MACROD2: variants seen among roughly 807,000 people sequenced by gnomAD.
MACROD2 encodes mono-ADP ribosylhydrolase 2, also known as ADP-ribose glycohydrolase MACROD2.
In MACROD2, 36 loss-of-function variants were observed where a neutral mutation model predicts 70.4. That is an observed-to-expected ratio of 0.51 (90% CI 0.39 to 0.68). The LOEUF is 0.68. Ranked by LOEUF, MACROD2 falls within the 30% of genes least tolerant of loss-of-function variation. The probability of loss-of-function intolerance (pLI) is 0.00; values close to 1 mark genes in which losing one functional copy is unlikely to be tolerated. For missense variants in MACROD2, 496 were observed against 538.4 expected (o/e 0.92, Z 0.78); for synonymous variants, 172 against 178.8 (o/e 0.96, Z 0.30).
At chr20:15,779,745 G>C (rs1016953519) in intron 8 of MACROD2, among the ~76,000 whole-genome samples, 1 of 152,100 alleles carries the variant, frequency 6.6e-6, no homozygotes, top group Non-Finnish European at 1.5e-5. Context: ...TTACCTTTCT[G>C]CCAGGGAAAG....
At chr20:16,045,999 A>T (rs1037225970) in intron 17 of MACROD2, among the ~76,000 whole-genome samples, 1 of 152,160 alleles carries the variant, frequency 6.6e-6, no homozygotes, top group Non-Finnish European at 1.5e-5. Context: ...TGTTAAAAAA[A>T]AAAGAAAAAA....
intron 3 of MACROD2, among the ~76,000 whole-genome samples, chr20:14,233,376 T>A (rs2122212301): frequency 6.6e-6 from 1 of 152,188 alleles, no homozygotes; most frequent in Middle Eastern, 3.4e-3. Context: ...AAATGAGGTA[T>A]GCCTGACTTA....
intron 6 of MACROD2, among the ~76,000 whole-genome samples, chr20:15,370,011 G>C (rs1258242852): frequency 1.3e-5 from 2 of 152,072 alleles, no homozygotes; most frequent in Non-Finnish European, 2.9e-5. Flanking sequence ...ATCTGGTTTT[G>C]AGAAAAAGAG....
At chr20:15,869,236 TATAG>T (rs1465770135) in intron 9 of MACROD2, among the ~76,000 whole-genome samples, 624 of 33,412 alleles carry the variant, frequency 0.019, 3 homozygotes, top group African/African-American at 0.039. Context: ...TATATATATA[TATAG>T]AGAGAGAGAG....
rs373364294 is a variant in MACROD2, at chr20:14,125,674, T to C, written c.271+39946T>C. 3.3e-5 allele frequency among the ~76,000 whole-genome samples: 5 copies of C among 152,302 alleles called. No individual in the cohort carries two copies. The South Asian group carries it at 1.0e-3, about 32-fold the overall frequency. On this transcript the variant is annotated intron_variant, in intron 3 of 17. Transcript: ENST00000684519. ...CATTTTGCATATAGTGTTTATAACA[T>C]ACTTTTATCATTTAATGATGCATTA... is the stretch of plus-strand genomic sequence containing the variant.
intron 7 of MACROD2, among the ~76,000 whole-genome samples, chr20:15,480,137 G>C (rs1208385954): frequency 2.0e-5 from 3 of 152,166 alleles, no homozygotes; most frequent in Admixed American, 2.0e-4. Context: ...TCCCTGTCTA[G>C]TGCATATTCA....
intron 8 of MACROD2, among the ~76,000 whole-genome samples, chr20:15,826,670 G>C (rs1010732768): frequency 1.3e-5 from 2 of 152,102 alleles, no homozygotes; most frequent in East Asian, 3.9e-4. Context: ...TTGTCACAAA[G>C]GTGTTTAGTA....
At chr20:15,960,470 C>G (rs539637953) in intron 12 of MACROD2, among the ~76,000 whole-genome samples, 1 of 152,114 alleles carries the variant, frequency 6.6e-6, no homozygotes, top group South Asian at 2.1e-4. Flanking sequence ...TTCTAAGTTT[C>G]GGATCCACAA....
intron 8 of MACROD2, among the ~76,000 whole-genome samples, chr20:15,573,520 A>T (rs1161372666): frequency 6.6e-6 from 1 of 152,178 alleles, no homozygotes; most frequent in East Asian, 1.9e-4. Context: ...CTAGGATGAG[A>T]GAGGCCAAGA....
chr20:14,455,007 C>T (rs1472685373), intron 3 of MACROD2, among the ~76,000 whole-genome samples: 2 of 151,660 alleles, frequency 1.3e-5, no homozygotes, highest in African/African-American at 4.9e-5. Flanking sequence ...CTGCCTTGGC[C>T]TCCCAATCTG....
At chr20:14,524,623 A>G (rs780429581) in intron 4 of MACROD2, among the ~76,000 whole-genome samples, 11 of 152,256 alleles carry the variant, frequency 7.2e-5, no homozygotes, top group Non-Finnish European at 1.3e-4. Flanking sequence ...TATACATCAC[A>G]CCTGGGATGC....
At chr20:14,645,611 C>T (rs551313764) in intron 4 of MACROD2, among the ~76,000 whole-genome samples, 1 of 152,156 alleles carries the variant, frequency 6.6e-6, no homozygotes, top group African/African-American at 2.4e-5. Context: ...AGCTATCATA[C>T]TTCCGTGTGT....
At chr20:14,264,084 T>C (rs1216991775) in intron 3 of MACROD2, among the ~76,000 whole-genome samples, 2 of 151,670 alleles carry the variant, frequency 1.3e-5, no homozygotes, top group African/African-American at 2.4e-5. Flanking sequence ...GTAAAGCTAC[T>C]ATGAAGAATG....
chr20:15,690,490 G>A (rs536739855), intron 8 of MACROD2, among the ~76,000 whole-genome samples: 1 of 152,264 alleles, frequency 6.6e-6, no homozygotes, highest in Non-Finnish European at 1.5e-5. Context: ...TGGATATAGG[G>A]TGAGGGCAGC....
chr20:14,052,413 A>G (rs574576203), intron 2 of MACROD2, among the ~76,000 whole-genome samples: 8 of 152,268 alleles, frequency 5.3e-5, no homozygotes, highest in Middle Eastern at 3.4e-3. Flanking sequence ...AATTTTAAAT[A>G]TTTTGAATAT....
chr20:15,141,106 A>G (rs1012967809), intron 5 of MACROD2, among the ~76,000 whole-genome samples: 1 of 152,112 alleles, frequency 6.6e-6, no homozygotes, highest in African/African-American at 2.4e-5. Flanking sequence ...GCACTAGCAT[A>G]CATACATATA....
At chr20:15,386,118 C>T (rs939720906) in intron 6 of MACROD2, among the ~76,000 whole-genome samples, 2 of 152,100 alleles carry the variant, frequency 1.3e-5, no homozygotes, top group African/African-American at 2.4e-5. Flanking sequence ...AGAAAAGCAG[C>T]CATGAAGTGA....
At chr20:15,495,383 T>A (rs1277786949) in intron 7 of MACROD2, among the ~76,000 whole-genome samples, 3 of 152,242 alleles carry the variant, frequency 2.0e-5, no homozygotes, top group Non-Finnish European at 4.4e-5. Flanking sequence ...TCTTGATATT[T>A]TTCTCCCCTT....
chr20:15,986,938 AC>A, intron 14 of MACROD2, 127 bp from the exon 15 acceptor site: 1 of 1,040,908 alleles, frequency 9.6e-7, no homozygotes, highest in Non-Finnish European at 1.5e-6. Context: ...ATAGTGTTCA[AC>A]TTGGTGTACC....
Sources: gnomAD v4.1 joint callset for allele counts (sites outside exome capture counted in the v4.1 genomes callset) on GRCh38, gnomAD v4.1.1 for gene constraint, MANE v1.5 for transcripts, NCBI Gene and HGNC (gene_info 2026-07-23, HGNC 2026-07-21) for gene names.